The following NRXN1 variants were observed in gnomAD, a reference collection of about 807,000 sequenced individuals.
NRXN1 encodes the protein neurexin-1.
Under a neutral mutation model 150.9 loss-of-function variants are expected in NRXN1, and 39 were observed. The ratio of observed to expected loss-of-function variants is 0.26; its 90% CI spans 0.20 to 0.34. The LOEUF (loss-of-function observed/expected upper bound fraction) is 0.34, where lower values mean the gene tolerates loss of function less well. Ranked by LOEUF, NRXN1 falls within the 10% of genes least tolerant of loss-of-function variation. The probability of loss-of-function intolerance (pLI) is 1.00; values close to 1 mark genes in which losing one functional copy is unlikely to be tolerated. For synonymous variants in NRXN1, 924 were observed against 757.0 expected (o/e 1.22, Z -3.62); for missense variants, 1,815 against 1,949.9 (o/e 0.93, Z 1.30).
At chr2:50,466,236 G>A (rs2088830349) in intron 16 of NRXN1, among the ~76,000 whole-genome samples, 1 of 151,680 alleles carries the variant, frequency 6.6e-6, no homozygotes, top group Non-Finnish European at 1.5e-5. Context: ...AAAAAAGCAT[G>A]ATCAAAGCAC....
intron 6 of NRXN1, among the ~76,000 whole-genome samples, chr2:50,622,370 GA>G (rs1680181837): frequency 6.6e-6 from 1 of 152,122 alleles, no homozygotes; most frequent in Non-Finnish European, 1.5e-5. Flanking sequence ...GAAAACCAGA[GA>G]CAATCCGGTC....
chr2:50,190,266 T>C (rs543300148), intron 18 of NRXN1, among the ~76,000 whole-genome samples: 31 of 152,190 alleles, frequency 2.0e-4, no homozygotes, highest in Non-Finnish European at 4.1e-4. Flanking sequence ...TTTTTCTATA[T>C]ATGTATTTTT....
At chr2:50,536,289 T>C (rs1006956814) in intron 10 of NRXN1, among the ~76,000 whole-genome samples, 1 of 152,198 alleles carries the variant, frequency 6.6e-6, no homozygotes, top group African/African-American at 2.4e-5. Context: ...CAAAAATGCA[T>C]ACAGCCAACC....
chr2:50,325,832 A>C (rs1444762033), intron 17 of NRXN1, among the ~76,000 whole-genome samples: 1 of 152,210 alleles, frequency 6.6e-6, no homozygotes, highest in Non-Finnish European at 1.5e-5. Flanking sequence ...TTTAAAAATT[A>C]ATCTGATAAC....
intron 5 of NRXN1, among the ~76,000 whole-genome samples, chr2:50,866,990 T>A (rs1268431668): frequency 6.6e-6 from 1 of 151,926 alleles, no homozygotes; most frequent in Non-Finnish European, 1.5e-5. Flanking sequence ...CCCAATACTC[T>A]TTTAATAATA....
intron 17 of NRXN1, among the ~76,000 whole-genome samples, chr2:50,262,540 T>C (rs1224824468): frequency 6.6e-6 from 1 of 151,984 alleles, no homozygotes; most frequent in African/African-American, 2.4e-5. Flanking sequence ...CCTGGCTGAT[T>C]TGTTTTGTGA....
intron 18 of NRXN1, among the ~76,000 whole-genome samples, chr2:50,176,602 A>T (rs1305807302): frequency 6.6e-6 from 1 of 152,122 alleles, no homozygotes; most frequent in Non-Finnish European, 1.5e-5. Context: ...CACCTAACAC[A>T]TAACTCTATT....
At chr2:50,256,213 G>A (rs1000249998) in intron 17 of NRXN1, among the ~76,000 whole-genome samples, 6 of 152,104 alleles carry the variant, frequency 3.9e-5, no homozygotes, top group African/African-American at 1.4e-4. Flanking sequence ...AACATAACAT[G>A]GAGAGCTTTC....
At chr2:50,126,419 A>G (rs1346844340) in intron 18 of NRXN1, among the ~76,000 whole-genome samples, 1 of 152,108 alleles carries the variant, frequency 6.6e-6, no homozygotes, top group Non-Finnish European at 1.5e-5. Flanking sequence ...ACTAAATGTA[A>G]TGGAGATTTT....
At chr2:50,701,109 C>T (rs114336017) in intron 5 of NRXN1, among the ~76,000 whole-genome samples, 1,547 of 152,226 alleles carry the variant, frequency 0.01, 32 homozygotes, top group African/African-American at 0.036. Context: ...GCCTTTCCTT[C>T]CACTGATAAA....
chr2:50,570,916 A>G (rs1429526613), intron 8 of NRXN1, among the ~76,000 whole-genome samples: 2 of 152,292 alleles, frequency 1.3e-5, no homozygotes, highest in South Asian at 4.1e-4. Context: ...ACCTTACCCT[A>G]TGCTAGATAG....
At chr2:50,947,706 C>G (rs1322594886) in intron 2 of NRXN1, among the ~76,000 whole-genome samples, 2 of 151,994 alleles carry the variant, frequency 1.3e-5, no homozygotes, top group Admixed American at 6.6e-5. Flanking sequence ...ATAGGGCACT[C>G]CTGCCTTGAA....
intron 17 of NRXN1, among the ~76,000 whole-genome samples, chr2:50,360,337 A>G (rs1309714680): frequency 6.6e-6 from 1 of 152,214 alleles, no homozygotes; most frequent in Non-Finnish European, 1.5e-5. Flanking sequence ...AGTCAAGACC[A>G]ATCGGTGTGC....
At chr2:50,025,653 T>C (rs1000660472) in intron 21 of NRXN1, among the ~76,000 whole-genome samples, 4 of 152,172 alleles carry the variant, frequency 2.6e-5, no homozygotes, top group African/African-American at 9.7e-5. Flanking sequence ...TTAAAACACA[T>C]TTCTGGAAGT....
intron 21 of NRXN1, among the ~76,000 whole-genome samples, chr2:49,980,361 T>A (rs1056449739): frequency 6.6e-6 from 1 of 152,124 alleles, no homozygotes; most frequent in East Asian, 1.9e-4. Context: ...TGGGACCATA[T>A]TGGAGTTTCA....
chr2:50,921,215 A>G (rs1389154496), intron 5 of NRXN1, among the ~76,000 whole-genome samples: 5 of 151,816 alleles, frequency 3.3e-5, no homozygotes, highest in Admixed American at 6.6e-5. Context: ...ATGGCAAATT[A>G]CACATGCTTC....
chr2:50,026,770 A>G (rs933653952), intron 21 of NRXN1, among the ~76,000 whole-genome samples: 4 of 151,876 alleles, frequency 2.6e-5, no homozygotes, highest in African/African-American at 9.7e-5. Context: ...AGCATGAAAA[A>G]CAAGACAACT....
intron 5 of NRXN1, among the ~76,000 whole-genome samples, chr2:50,624,491 T>C (rs570914129): frequency 6.6e-6 from 1 of 152,232 alleles, no homozygotes; most frequent in African/African-American, 2.4e-5. Flanking sequence ...AAAGATCTTT[T>C]TCAATGAAGA....
At chr2:49,968,620 T>C (rs773169935) in intron 21 of NRXN1, among the ~76,000 whole-genome samples, 1 of 152,058 alleles carries the variant, frequency 6.6e-6, no homozygotes, top group Non-Finnish European at 1.5e-5. Flanking sequence ...TGATTTTGTG[T>C]TACCTTTTAT....
Sources: gnomAD v4.1 joint callset for allele counts (sites outside exome capture counted in the v4.1 genomes callset) on GRCh38, gnomAD v4.1.1 for gene constraint, MANE v1.5 for transcripts, NCBI Gene and HGNC (gene_info 2026-07-23, HGNC 2026-07-21) for gene names.